The following BMERB1 variants were observed in gnomAD, a reference collection of about 807,000 sequenced individuals.
BMERB1 encodes the protein bMERB domain-containing protein 1.
Under a neutral mutation model 23.6 loss-of-function variants are expected in BMERB1, and 12 were observed. That is an observed-to-expected ratio of 0.51 (90% CI 0.33 to 0.82). The LOEUF (loss-of-function observed/expected upper bound fraction) is 0.82. BMERB1 is among the 40% of genes least tolerant of loss of function. The pLI, the probability that BMERB1 is intolerant of heterozygous loss-of-function variation, is 0.03. For missense variants in BMERB1, 247 were observed against 255.4 expected (o/e 0.97, Z 0.22); for synonymous variants, 122 against 96.6 (o/e 1.26, Z -1.54).
At chr16:15,521,029 C>T (rs554280695) in intron 2 of BMERB1, among the ~76,000 whole-genome samples, 1 of 152,316 alleles carries the variant, frequency 6.6e-6, no homozygotes, top group Non-Finnish European at 1.5e-5. Flanking sequence ...TTCCTTGCTC[C>T]TCCCGAGTTC....
chr16:15,473,988 C>T (rs1391480968), intron 1 of BMERB1, among the ~76,000 whole-genome samples: 2 of 152,004 alleles, frequency 1.3e-5, no homozygotes. Flanking sequence ...GGCGTGGTGG[C>T]AGGTGCCTAT....
chr16:15,456,057 A>C (rs2051084974), intron 1 of BMERB1, among the ~76,000 whole-genome samples: 1 of 152,174 alleles, frequency 6.6e-6, no homozygotes, highest in African/African-American at 2.4e-5. Context: ...GCTTTTAAAA[A>C]TCTTTTTAAA....
intron 1 of BMERB1, among the ~76,000 whole-genome samples, chr16:15,510,921 C>CG (rs2051656548): frequency 6.6e-6 from 1 of 152,046 alleles, no homozygotes. Context: ...ACACTGGTCT[C>CG]GAACTCCTGA....
At chr16:15,465,614 A>C (rs1056772622) in intron 1 of BMERB1, among the ~76,000 whole-genome samples, 1 of 152,086 alleles carries the variant, frequency 6.6e-6, no homozygotes, top group Non-Finnish European at 1.5e-5. Flanking sequence ...TGGCCTCCCA[A>C]AGTGCTGGTA....
At chr16:15,550,613 C>T (rs1401659298) in intron 2 of BMERB1, among the ~76,000 whole-genome samples, 3 of 151,904 alleles carry the variant, frequency 2.0e-5, no homozygotes, top group Non-Finnish European at 4.4e-5. Context: ...GCTGGGATTA[C>T]AGGCATGAGC....
intron 1 of BMERB1, among the ~76,000 whole-genome samples, chr16:15,453,232 A>G (rs1211572907): frequency 6.6e-6 from 1 of 152,168 alleles, no homozygotes. Context: ...ATAATAAAAC[A>G]GGGTTAATGC....
chr16:15,578,180 C>T (rs1463432682), intron 3 of BMERB1, among the ~76,000 whole-genome samples: 1 of 152,000 alleles, frequency 6.6e-6, no homozygotes, highest in Non-Finnish European at 1.5e-5. Flanking sequence ...TCTCTGCCTC[C>T]ATCTTCACGT....
At chr16:15,573,152 G>A (rs1215012700) in intron 3 of BMERB1, among the ~76,000 whole-genome samples, 2 of 152,154 alleles carry the variant, frequency 1.3e-5, no homozygotes, top group Non-Finnish European at 2.9e-5. Context: ...TTTTGCAGTG[G>A]TAAAAAGGAA....
At chr16:15,511,925 A>C (rs990132950) in intron 1 of BMERB1, among the ~76,000 whole-genome samples, 3 of 138,572 alleles carry the variant, frequency 2.2e-5, no homozygotes, top group African/African-American at 7.7e-5. Flanking sequence ...AGGCAGGAGA[A>C]TTGCTGGAGC....
At chr16:15,534,685 G>T (rs975335672) in intron 2 of BMERB1, among the ~76,000 whole-genome samples, 1 of 152,166 alleles carries the variant, frequency 6.6e-6, no homozygotes, top group African/African-American at 2.4e-5. Flanking sequence ...TAAGGCAGTG[G>T]GGTGGTTTCC....
rs1434248525 is a variant in BMERB1, at chr16:15,568,165, T to C, written c.304+109T>C. On this transcript the variant is annotated intron_variant, in intron 3 of 5. Coordinates refer to ENST00000300006, the MANE Select transcript of BMERB1 (RefSeq NM_033201.3). The stretch of plus-strand genomic sequence containing the variant: ...ACAGAGCCTCATTCTTGCAATGCAG[T>C]GCTCCCTGACTGCATGTGTCAAACA... 2.5e-5 allele frequency: 22 copies of C among 874,406 alleles called. No individual in the cohort carries two copies. The South Asian group carries it at 2.9e-4, about 11-fold the overall frequency. The allele number at this position is 874,406 out of a possible 1,614,324, so 54.2% of individuals were successfully genotyped here.
intron 1 of BMERB1, among the ~76,000 whole-genome samples, chr16:15,459,099 C>A (rs780801301): frequency 1.3e-5 from 2 of 152,102 alleles, no homozygotes; most frequent in East Asian, 3.9e-4. Flanking sequence ...CAGTGTGAGA[C>A]TCTGTCTCAA....
chr16:15,520,734 G>A (rs1341132272), intron 2 of BMERB1, among the ~76,000 whole-genome samples: 3 of 151,986 alleles, frequency 2.0e-5, no homozygotes, highest in East Asian at 1.9e-4. Flanking sequence ...TGATCCTCCC[G>A]CCTTGGCCTC....
chr16:15,496,781 G>C (rs1046301588), intron 1 of BMERB1, among the ~76,000 whole-genome samples: 12 of 152,078 alleles, frequency 7.9e-5, no homozygotes, highest in Non-Finnish European at 1.8e-4. Flanking sequence ...CTCGTGATCT[G>C]CCCGCCTCGG....
At chr16:15,465,478 A>G (rs148468752) in intron 1 of BMERB1, among the ~76,000 whole-genome samples, 2,208 of 150,952 alleles carry the variant, frequency 0.015, 58 homozygotes, top group African/African-American at 0.052. Context: ...TCAGCCTCCC[A>G]AGTAGCTGGG....
chr16:15,544,292 A>T (rs1262990970), intron 2 of BMERB1, among the ~76,000 whole-genome samples: 1 of 152,214 alleles, frequency 6.6e-6, no homozygotes, highest in Admixed American at 6.5e-5. Flanking sequence ...ACAAGTGTTC[A>T]TTCCACATTT....
chr16:15,575,451 G>A (rs1156995622), intron 3 of BMERB1, among the ~76,000 whole-genome samples: 1 of 152,136 alleles, frequency 6.6e-6, no homozygotes, highest in Non-Finnish European at 1.5e-5. Flanking sequence ...TTCCTTTGAG[G>A]GAACTCAAGA....
chr16:15,531,341 G>A (rs919564946), intron 2 of BMERB1, among the ~76,000 whole-genome samples: 3 of 152,082 alleles, frequency 2.0e-5, no homozygotes, highest in Non-Finnish European at 2.9e-5. Flanking sequence ...TGATCCTCCC[G>A]CCTAGGCCTC....
chr16:15,487,298 A>G (rs1156615378), intron 1 of BMERB1, among the ~76,000 whole-genome samples: 1 of 152,232 alleles, frequency 6.6e-6, no homozygotes, highest in Non-Finnish European at 1.5e-5. Context: ...CAATTGTTTT[A>G]TCAAGTTTGC....
Sources: allele counts gnomAD v4.1 joint callset (sites outside exome capture counted in the v4.1 genomes callset), GRCh38; gene constraint gnomAD v4.1.1; transcripts MANE v1.5; gene names NCBI Gene and HGNC (gene_info 2026-07-23, HGNC 2026-07-21).